PLCB1: variants seen among roughly 807,000 people sequenced by gnomAD.
PLCB1 encodes the protein 1-phosphatidylinositol 4,5-bisphosphate phosphodiesterase beta-1.
In PLCB1, 46 loss-of-function variants were observed where a neutral mutation model predicts 161.8. That is an observed-to-expected ratio of 0.28 (90% CI 0.22 to 0.36). The LOEUF is 0.36. Ranked by LOEUF, PLCB1 falls within the 10% of genes least tolerant of loss-of-function variation. The pLI, the probability that PLCB1 is intolerant of heterozygous loss-of-function variation, is 1.00. For missense variants in PLCB1, 1,016 were observed against 1,472.5 expected, an observed-to-expected ratio of 0.69 and a Z score of 5.07; for synonymous variants, 517 against 503.7, an observed-to-expected ratio of 1.03 and a Z score of -0.35.
Position 8,523,490 on chromosome 20 carries a change from CTCTCTCTATATATA to C in PLCB1, c.247-104802_247-104789del, listed in dbSNP as rs1178740372. Among the ~76,000 whole-genome samples the C allele has an allele frequency of 6.6e-4, 45 of 67,718 alleles. 2 individuals are homozygous for C. Among genetic ancestry groups the C allele is most frequent in the Non-Finnish European group, 9.8e-4 (33 of 33,730 alleles). 44.4% of individuals were successfully genotyped at this position (67,718 alleles called of 152,430 possible). A position where few individuals can be genotyped will look rare whatever the true frequency, so the allele number is the denominator to read the frequency against. On this transcript the variant is annotated intron_variant, in intron 3 of 31. Transcript: ENST00000338037. ...GCTCTCTCTCTCTCTCTCTCTCTCT[CTCTCTCTATATATA>C]TATATATATATATATATGGAGAGAG...
In PLCB1 at chr20:8,768,444, G is replaced by T. The variant is rs1982484325; in HGVS notation, c.2930+3086G>T. Among the ~76,000 whole-genome samples, 3 of 152,100 alleles carry T rather than the reference G, an allele frequency of 2.0e-5. No individual in the cohort carries two copies. In the South Asian group the frequency reaches 6.2e-4, roughly 32 times the overall value. On this transcript the variant is annotated intron_variant, in intron 26 of 31. Transcript: ENST00000338037. ...ATTCAGGTCCACCCTAATCCACCAT[G>T]ACCTCATTCTATTACATTTGCAACA...
chr20:8,685,117 C>T (rs993734734), intron 10 of PLCB1, 39 bp downstream of exon 10: 39 of 1,555,628 alleles, frequency 2.5e-5, no homozygotes, highest in Non-Finnish European at 3.2e-5. Flanking sequence ...TAGCCAGTCT[C>T]ACCAAATTTC....
At chr20:8,551,668 T>A (rs775248971) in intron 3 of PLCB1, among the ~76,000 whole-genome samples, 3 of 152,084 alleles carry the variant, frequency 2.0e-5, no homozygotes, top group Non-Finnish European at 2.9e-5. Context: ...ATCCCTTAGG[T>A]GACAAACTGC....
chr20:8,446,559 G>C (rs538919857), intron 3 of PLCB1, among the ~76,000 whole-genome samples: 168 of 152,240 alleles, frequency 1.1e-3, no homozygotes, highest in African/African-American at 3.9e-3. Context: ...TTCTGGCCAG[G>C]GCTATCAGGC....
chr20:8,369,524 T>C (rs568635945), intron 2 of PLCB1, among the ~76,000 whole-genome samples: 2 of 152,352 alleles, frequency 1.3e-5, no homozygotes, highest in East Asian at 1.9e-4. Flanking sequence ...GTGCATTTTC[T>C]GAAGTGAAGC....
chr20:8,209,520 T>G (rs1424726338), intron 2 of PLCB1, among the ~76,000 whole-genome samples: 1 of 152,188 alleles, frequency 6.6e-6, no homozygotes. Flanking sequence ...AAATGTTATT[T>G]TATTTCCTTA....
chr20:8,807,480 A>T (rs756068454), intron 31 of PLCB1, among the ~76,000 whole-genome samples: 12 of 152,342 alleles, frequency 7.9e-5, no homozygotes, highest in African/African-American at 1.2e-4. Flanking sequence ...TCAATAGTAA[A>T]ATAAATGTAT....
chr20:8,821,396 T>C (rs1463412071), intron 31 of PLCB1, among the ~76,000 whole-genome samples: 1 of 147,430 alleles, frequency 6.8e-6, no homozygotes, highest in African/African-American at 2.5e-5. Flanking sequence ...GAGAATTGCT[T>C]GAACCTGGGA....
chr20:8,566,885 G>A (rs1415403863), intron 3 of PLCB1, among the ~76,000 whole-genome samples: 3 of 150,230 alleles, frequency 2.0e-5, no homozygotes, highest in African/African-American at 7.4e-5. Flanking sequence ...TGACCCTACT[G>A]GCAAAAGAAT....
intron 3 of PLCB1, among the ~76,000 whole-genome samples, chr20:8,449,618 G>A (rs773911815): frequency 6.6e-6 from 1 of 152,152 alleles, no homozygotes; most frequent in South Asian, 2.1e-4. Context: ...GAACACTTCC[G>A]GGGCACATAC....
chr20:8,716,028 T>C (rs1979290591), intron 12 of PLCB1: 2 of 481,508 alleles, frequency 4.2e-6, no homozygotes, highest in South Asian at 7.4e-5. Context: ...CCTCCACCTA[T>C]GTCTATGCAG....
chr20:8,365,278 C>T (rs1412823044), intron 2 of PLCB1, among the ~76,000 whole-genome samples: 1 of 152,116 alleles, frequency 6.6e-6, no homozygotes. Context: ...ACATTTTCTG[C>T]CTCCTACTTC....
At chr20:8,521,431 G>A (rs1391343630) in intron 3 of PLCB1, among the ~76,000 whole-genome samples, 1 of 152,042 alleles carries the variant, frequency 6.6e-6, no homozygotes, top group African/African-American at 2.4e-5. Flanking sequence ...AGGCCCTGTA[G>A]GGTGGCTCAT....
Position 8,228,814 on chromosome 20 carries a change from G to A in PLCB1, c.177+78443G>A, listed in dbSNP as rs558681709. ...TGTACATATTTATGAGGTACATAGTGAGTTTTGATACATGTCTAGTGATCA... is the reference window on the plus strand; with the variant it reads ...TGTACATATTTATGAGGTACATAGTAAGTTTTGATACATGTCTAGTGATCA... On this transcript the variant is annotated intron_variant, in intron 2 of 31. Transcript: ENST00000338037. Among the ~76,000 whole-genome samples the A allele has an allele frequency of 5.9e-5, 9 of 152,092 alleles. No individual in the cohort carries two copies. In the South Asian group the frequency reaches 1.9e-3, roughly 32 times the overall value.
chr20:8,168,057 G>A (rs995851308), intron 2 of PLCB1, among the ~76,000 whole-genome samples: 16 of 152,128 alleles, frequency 1.1e-4, no homozygotes, highest in African/African-American at 3.6e-4. Context: ...AGTCCAGCTT[G>A]CTCTGGTAGT....
intron 31 of PLCB1, among the ~76,000 whole-genome samples, chr20:8,878,336 A>G (rs1435344042): frequency 1.3e-5 from 2 of 152,180 alleles, no homozygotes; most frequent in Non-Finnish European, 2.9e-5. Context: ...TGAGGTCTGA[A>G]TGGTAGTAAA....
chr20:8,239,591 C>T (rs560386804), intron 2 of PLCB1, among the ~76,000 whole-genome samples: 18 of 142,992 alleles, frequency 1.3e-4, no homozygotes, highest in African/African-American at 4.2e-4. Context: ...CTTTCTGGTA[C>T]TTAAAAAAAA....
intron 3 of PLCB1, among the ~76,000 whole-genome samples, chr20:8,417,037 A>G (rs1979313169): frequency 2.0e-5 from 1 of 49,642 alleles, no homozygotes; most frequent in Non-Finnish European, 4.4e-5. Flanking sequence ...ACACACACAC[A>G]CACACACACA....
intron 23 of PLCB1, chr20:8,750,929 C>CAA: frequency 1.5e-6 from 1 of 679,330 alleles, no homozygotes; most frequent in Non-Finnish European, 2.2e-6. Context: ...AAAAGAACTG[C>CAA]ACTCTTTTTT....
Sources: allele counts gnomAD v4.1 joint callset (sites outside exome capture counted in the v4.1 genomes callset), GRCh38; gene constraint gnomAD v4.1.1; transcripts MANE v1.5; gene names NCBI Gene and HGNC (gene_info 2026-07-23, HGNC 2026-07-21).